DLG2: variants seen among roughly 807,000 people sequenced by gnomAD.
The protein encoded by DLG2 is disks large homolog 2.
Under a neutral mutation model 132.5 loss-of-function variants are expected in DLG2, and 45 were observed. The ratio of observed to expected loss-of-function variants is 0.34; its 90% confidence interval spans 0.27 to 0.44. The LOEUF (loss-of-function observed/expected upper bound fraction) is 0.44. Ranked by LOEUF, DLG2 falls within the 20% of genes least tolerant of loss-of-function variation. The pLI is 1.00. For synonymous variants in DLG2, 424 were observed against 419.6 expected, an observed-to-expected ratio of 1.01 and a Z score of -0.13; for missense variants, 1,045 against 1,196.9, an observed-to-expected ratio of 0.87 and a Z score of 1.87.
chr11:84,059,300 T>C lies in DLG2; in HGVS notation c.919+15A>G, dbSNP rs1344041459. 1.2e-6 allele frequency: 2 copies of C among 1,611,440 alleles called. No homozygotes were observed. The highest frequency in any genetic ancestry group is 2.7e-5 in the African/African-American group (2 of 74,854). The stretch of plus-strand genomic sequence containing the variant: ...TTTGTCACTAGTGTCTGTGAGTCAT[T>C]TATATTTTGATTACCTTTAGGGCCT... On this transcript the variant is annotated intron_variant, in intron 11 of 27. Coordinates refer to ENST00000376104, the MANE Select transcript of DLG2 (RefSeq NM_001142699.3).
chr11:83,744,293 C>G (rs1169076527), intron 18 of DLG2, among the ~76,000 whole-genome samples: 1 of 152,188 alleles, frequency 6.6e-6, no homozygotes, highest in Non-Finnish European at 1.5e-5. Flanking sequence ...ACACTTAATT[C>G]CCTGAATTAA....
intron 6 of DLG2, among the ~76,000 whole-genome samples, chr11:84,888,981 T>C (rs1018022649): frequency 6.6e-6 from 1 of 152,210 alleles, no homozygotes; most frequent in Non-Finnish European, 1.5e-5. Flanking sequence ...TGAATATTAA[T>C]GTCTTCCACT....
chr11:83,880,400 T>A (rs1225353517), intron 15 of DLG2, among the ~76,000 whole-genome samples: 1 of 152,270 alleles, frequency 6.6e-6, no homozygotes, highest in Non-Finnish European at 1.5e-5. Flanking sequence ...ATTTAATACA[T>A]TTAGAGGTAG....
chr11:85,154,783 A>G (rs1200156214), intron 4 of DLG2, 132 bp from the exon 5 acceptor site: 1 of 552,220 alleles, frequency 1.8e-6, no homozygotes, highest in South Asian at 2.7e-5. Context: ...TTTCAATTTT[A>G]GCATATGAAT....
intron 7 of DLG2, among the ~76,000 whole-genome samples, chr11:84,367,160 T>A (rs2098687382): frequency 6.6e-6 from 1 of 152,116 alleles, no homozygotes; most frequent in Non-Finnish European, 1.5e-5. Context: ...ATTAAGAAAC[T>A]CACTCAAAAC....
intron 17 of DLG2, among the ~76,000 whole-genome samples, chr11:83,829,302 T>G (rs1285189167): frequency 6.6e-6 from 1 of 151,810 alleles, no homozygotes; most frequent in Non-Finnish European, 1.5e-5. Context: ...GTTCAACCGA[T>G]TCTCCTGACT....
At chr11:84,222,315 T>A (rs2096927443) in intron 8 of DLG2, among the ~76,000 whole-genome samples, 2 of 152,150 alleles carry the variant, frequency 1.3e-5, no homozygotes, top group African/African-American at 4.8e-5. Context: ...TACAGGTGTA[T>A]GCCACCATGC....
At chr11:83,954,020 A>G (rs2086178152) in intron 14 of DLG2, among the ~76,000 whole-genome samples, 1 of 152,236 alleles carries the variant, frequency 6.6e-6, no homozygotes, top group Non-Finnish European at 1.5e-5. Context: ...ATGTATAGCA[A>G]CAATAGCTAT....
chr11:84,209,455 G>A (rs191133512), intron 8 of DLG2, among the ~76,000 whole-genome samples: 1 of 152,230 alleles, frequency 6.6e-6, no homozygotes, highest in African/African-American at 2.4e-5. Flanking sequence ...AATAAAGTTT[G>A]GAGTTTAGTT....
At chr11:84,134,784 T>A (rs1277917422) in intron 9 of DLG2, among the ~76,000 whole-genome samples, 1 of 151,968 alleles carries the variant, frequency 6.6e-6, no homozygotes, top group East Asian at 1.9e-4. Context: ...ACAACTGATA[T>A]ATTTGTGGAG....
chr11:84,892,286 C>A (rs1185683303), intron 6 of DLG2, among the ~76,000 whole-genome samples: 3 of 152,084 alleles, frequency 2.0e-5, no homozygotes, highest in Non-Finnish European at 4.4e-5. Flanking sequence ...ATGCCAAACT[C>A]AAAAGCTGTT....
intron 8 of DLG2, among the ~76,000 whole-genome samples, chr11:84,222,535 AG>A (rs1156295779): frequency 2.0e-5 from 3 of 152,242 alleles, no homozygotes; most frequent in Admixed American, 6.5e-5. Flanking sequence ...CAACAATTAT[AG>A]TACTATCTAA....
chr11:83,628,932 T>C (rs1459616382), intron 19 of DLG2, among the ~76,000 whole-genome samples: 1 of 152,174 alleles, frequency 6.6e-6, no homozygotes, highest in African/African-American at 2.4e-5. Context: ...GTACACTGTA[T>C]ACAAAAAGTG....
chr11:84,148,990 T>A (rs2154248822), intron 9 of DLG2, among the ~76,000 whole-genome samples: 1 of 152,346 alleles, frequency 6.6e-6, no homozygotes, highest in East Asian at 1.9e-4. Context: ...AAATCTTTCA[T>A]ATGTTTTTCG....
chr11:83,681,624 A>G (rs890068628), intron 18 of DLG2, among the ~76,000 whole-genome samples: 1 of 152,142 alleles, frequency 6.6e-6, no homozygotes, highest in African/African-American at 2.4e-5. Context: ...GACTACCACC[A>G]TACTGAGTTT....
At chr11:83,644,897 T>C (rs910212609) in intron 18 of DLG2, among the ~76,000 whole-genome samples, 2 of 152,150 alleles carry the variant, frequency 1.3e-5, no homozygotes, top group African/African-American at 4.8e-5. Flanking sequence ...GTACCATTTG[T>C]TATAAATTTG....
At chr11:84,963,907 A>C (rs76046180) in intron 6 of DLG2, among the ~76,000 whole-genome samples, 2,163 of 152,248 alleles carry the variant, frequency 0.014, 51 homozygotes, top group African/African-American at 0.048. Context: ...GTCTTTGTGA[A>C]GGTTACCCAG....
At chr11:85,481,983 C>T (rs72953930) in intron 3 of DLG2, among the ~76,000 whole-genome samples, 4,468 of 152,232 alleles carry the variant, frequency 0.029, 102 homozygotes, top group East Asian at 0.095. Context: ...AGCTCCAAGC[C>T]TGCCACAGCA....
At chr11:84,598,816 A>G (rs1172664119) in intron 6 of DLG2, among the ~76,000 whole-genome samples, 2 of 150,004 alleles carry the variant, frequency 1.3e-5, no homozygotes, top group East Asian at 2.0e-4. Flanking sequence ...TGTCACATAC[A>G]TGTGGTCCCA....
Sources: allele counts gnomAD v4.1 joint callset (sites outside exome capture counted in the v4.1 genomes callset), GRCh38; gene constraint gnomAD v4.1.1; transcripts MANE v1.5; gene names NCBI Gene and HGNC (gene_info 2026-07-23, HGNC 2026-07-21).